ADGRB3: variants seen among roughly 807,000 people sequenced by gnomAD.
The protein encoded by ADGRB3 is adhesion G protein-coupled receptor B3.
A neutral mutation model predicts 193.4 loss-of-function variants in ADGRB3; 37 were observed. The observed-to-expected ratio is 0.19, with a 90% confidence interval of 0.15 to 0.25. The LOEUF is 0.25. Among genes scored for constraint, ADGRB3 ranks in the 10% least tolerant of loss-of-function variants. ADGRB3 has a pLI of 1.00. For missense variants in ADGRB3, 1,637 were observed against 1,852.9 expected, an observed-to-expected ratio of 0.88 and a Z score of 2.14; for synonymous variants, 690 against 644.2, an observed-to-expected ratio of 1.07 and a Z score of -1.08.
At chr6:69,104,620 C>G (rs987213994) in intron 17 of ADGRB3, among the ~76,000 whole-genome samples, 4 of 151,916 alleles carry the variant, frequency 2.6e-5, no homozygotes, top group Non-Finnish European at 4.4e-5. Flanking sequence ...TTGCTCTTTT[C>G]TATAATATAG....
intron 3 of ADGRB3, among the ~76,000 whole-genome samples, chr6:68,808,165 C>CT (rs914494953): frequency 6.6e-6 from 1 of 151,882 alleles, no homozygotes; most frequent in Non-Finnish European, 1.5e-5. Context: ...TAGATTGTTC[C>CT]TTTTTTTATT....
intron 17 of ADGRB3, among the ~76,000 whole-genome samples, chr6:69,127,198 G>A (rs1773876909): frequency 6.6e-6 from 1 of 152,108 alleles, no homozygotes; most frequent in Non-Finnish European, 1.5e-5. Flanking sequence ...CTGGTTGCAG[G>A]ACCCCTTGAT....
intron 20 of ADGRB3, among the ~76,000 whole-genome samples, chr6:69,317,994 G>C (rs752351101): frequency 1.2e-4 from 18 of 151,312 alleles, no homozygotes; most frequent in Admixed American, 7.3e-4. Context: ...ATTTCTAATA[G>C]TTTAAAAATT....
At chr6:69,071,945 C>G (rs1772092159) in intron 16 of ADGRB3, among the ~76,000 whole-genome samples, 3 of 152,018 alleles carry the variant, frequency 2.0e-5, no homozygotes, top group Non-Finnish European at 4.4e-5. Context: ...AGCAGAGTCC[C>G]TTTGAGAAAA....
At position 69,203,910 on chromosome 6, in the gene ADGRB3, G is replaced by C. The variant is rs138303581; in HGVS notation, c.2481-29380G>C. On this transcript the variant is annotated intron_variant, in intron 17 of 31. Coordinates refer to ENST00000370598, the MANE Select transcript of ADGRB3 (RefSeq NM_001704.3). Reference sequence around the variant, plus strand: ...GGTCTGCTGCTAGATTTGTATATACGTGTGTCTTATTTCACTTCAGATTTT... The same window carrying C: ...GGTCTGCTGCTAGATTTGTATATACCTGTGTCTTATTTCACTTCAGATTTT... 2.6e-3 allele frequency among the ~76,000 whole-genome samples: 391 copies of C among 152,106 alleles called. 1 individual carries two copies. Among genetic ancestry groups the C allele is most frequent in the African/African-American group, 9.3e-3 (384 of 41,506 alleles).
intron 11 of ADGRB3, among the ~76,000 whole-genome samples, chr6:69,013,120 T>C (rs1769984560): frequency 6.6e-6 from 1 of 152,122 alleles, no homozygotes; most frequent in Admixed American, 6.6e-5. Flanking sequence ...GGTTGTTCTC[T>C]CCTGGTTCCT....
intron 17 of ADGRB3, 87 bp from the exon 18 acceptor site, chr6:69,233,203 T>A: frequency 6.6e-7 from 1 of 1,524,376 alleles, no homozygotes; most frequent in Non-Finnish European, 8.9e-7. Context: ...TAGACGACTC[T>A]CTCAATTAAA....
At chr6:69,137,148 G>T (rs1278427528) in intron 17 of ADGRB3, among the ~76,000 whole-genome samples, 2 of 142,704 alleles carry the variant, frequency 1.4e-5, no homozygotes, top group East Asian at 2.1e-4. Flanking sequence ...TATAACTCCT[G>T]CATTTTGTGA....
intron 3 of ADGRB3, among the ~76,000 whole-genome samples, chr6:68,907,208 A>C (rs1049728933): frequency 3.3e-5 from 5 of 151,942 alleles, no homozygotes; most frequent in African/African-American, 1.2e-4. Flanking sequence ...TTTAGAAATT[A>C]TTGTTTATAA....
intron 17 of ADGRB3, among the ~76,000 whole-genome samples, chr6:69,118,725 A>G (rs1395335685): frequency 7.3e-6 from 1 of 137,852 alleles, no homozygotes; most frequent in South Asian, 2.8e-4. Context: ...TACAAGAAAC[A>G]TAAAAAGAAG....
chr6:69,120,806 T>C (rs1396519591), intron 17 of ADGRB3, among the ~76,000 whole-genome samples: 1 of 152,116 alleles, frequency 6.6e-6, no homozygotes, highest in Non-Finnish European at 1.5e-5. Context: ...CTTTAAAACA[T>C]AGGTAATAAA....
chr6:68,781,348 G>T (rs1335812081), intron 3 of ADGRB3, among the ~76,000 whole-genome samples: 2 of 152,072 alleles, frequency 1.3e-5, no homozygotes, highest in Non-Finnish European at 2.9e-5. Flanking sequence ...TTAGCACATT[G>T]CTACTTTAGA....
At chr6:68,952,372 A>G (rs1405925479) in intron 6 of ADGRB3, among the ~76,000 whole-genome samples, 2 of 152,034 alleles carry the variant, frequency 1.3e-5, no homozygotes, top group African/African-American at 4.8e-5. Context: ...TATATATTAC[A>G]TGTGTGTTTA....
At chr6:69,099,762 T>TA (rs1772980958) in intron 17 of ADGRB3, among the ~76,000 whole-genome samples, 1 of 152,180 alleles carries the variant, frequency 6.6e-6, no homozygotes, top group African/African-American at 2.4e-5. Context: ...CACTACAGTG[T>TA]AATGCTATGC....
chr6:69,016,471 G>A (rs139487780), intron 12 of ADGRB3, among the ~76,000 whole-genome samples: 205 of 151,996 alleles, frequency 1.3e-3, no homozygotes, highest in African/African-American at 4.7e-3. Context: ...CCTTTGTCAC[G>A]CATAATTCAT....
intron 3 of ADGRB3, among the ~76,000 whole-genome samples, chr6:68,908,626 G>C (rs1243086415): frequency 6.6e-6 from 1 of 152,020 alleles, no homozygotes. Context: ...CTAACTATAG[G>C]CTGAATATTT....
At chr6:68,726,944 G>A (rs956902859) in intron 3 of ADGRB3, among the ~76,000 whole-genome samples, 1 of 151,480 alleles carries the variant, frequency 6.6e-6, no homozygotes, top group Non-Finnish European at 1.5e-5. Flanking sequence ...ATCAATGTTG[G>A]AAACTAAGAT....
chr6:69,240,522 A>G (rs1305976017), intron 20 of ADGRB3, among the ~76,000 whole-genome samples: 1 of 152,172 alleles, frequency 6.6e-6, no homozygotes, highest in East Asian at 1.9e-4. Flanking sequence ...AAAAGGAAAT[A>G]CAAAGTAAAG....
At chr6:68,913,258 C>T (rs1276679073) in intron 3 of ADGRB3, among the ~76,000 whole-genome samples, 1 of 152,120 alleles carries the variant, frequency 6.6e-6, no homozygotes, top group African/African-American at 2.4e-5. Context: ...GGTCCCTGAC[C>T]CCTGACCCCC....
Sources: gnomAD v4.1 joint callset for allele counts (sites outside exome capture counted in the v4.1 genomes callset) on GRCh38, gnomAD v4.1.1 for gene constraint, MANE v1.5 for transcripts, NCBI Gene and HGNC (gene_info 2026-07-23, HGNC 2026-07-21) for gene names.